Variants in DYNC2H1 observed in about 807,000 individuals in gnomAD.
The protein encoded by DYNC2H1 is cytoplasmic dynein 2 heavy chain 1.
In DYNC2H1, 410 loss-of-function variants were observed where a neutral mutation model predicts 570.0. The ratio of observed to expected loss-of-function variants is 0.72; its 90% CI spans 0.66 to 0.78. DYNC2H1 has a LOEUF of 0.78. DYNC2H1 is among the 30% of genes least tolerant of loss of function. DYNC2H1 has a pLI of 0.00. For missense variants in DYNC2H1, 4,865 were observed against 5,046.4 expected (o/e 0.96, Z 1.09); for synonymous variants, 1,688 against 1,677.6 (o/e 1.01, Z -0.15).
chr11:103,340,562 T>A (rs72977652), intron 82 of DYNC2H1, among the ~76,000 whole-genome samples: 7,700 of 152,316 alleles, frequency 0.051, 217 homozygotes, highest in African/African-American at 0.064. Flanking sequence ...ATTTGGTATT[T>A]AATGAAGTTG....
intron 87 of DYNC2H1, among the ~76,000 whole-genome samples, chr11:103,464,048 A>C (rs932586183): frequency 6.6e-6 from 1 of 151,932 alleles, no homozygotes; most frequent in African/African-American, 2.4e-5. Context: ...AGTAAATGGG[A>C]AAAAAAATCT....
chr11:103,241,173 C>A lies in DYNC2H1; in HGVS notation c.9820-2520C>A, dbSNP rs1164208656. Among the ~76,000 whole-genome samples the A allele has an allele frequency of 3.9e-5, 6 of 152,084 alleles. No individual in the cohort carries two copies. The highest frequency in any genetic ancestry group is 1.5e-5 in the Non-Finnish European group (1 of 68,002). On this transcript the variant is annotated intron_variant, in intron 63 of 88. Transcript: ENST00000375735. The surrounding 1 kb of genome is among the most constrained non-coding windows in gnomAD (Gnocchi z 5.1). ...GATGATGAAATTTTTATTTTTGCAT[C>A]TTTATTGCCTGTAAAGTTATTGAGG...
At chr11:103,288,575 G>A (rs1379732665) in intron 75 of DYNC2H1, among the ~76,000 whole-genome samples, 1 of 150,054 alleles carries the variant, frequency 6.7e-6, no homozygotes, top group Admixed American at 6.7e-5. Context: ...TACTGGGTGT[G>A]GTGGCTCATG....
At chr11:103,220,525 T>A in intron 56 of DYNC2H1, 98 bp from the exon 57 acceptor site, 1 of 1,197,746 alleles carries the variant, frequency 8.3e-7, no homozygotes, top group Non-Finnish European at 1.1e-6. Context: ...GTAACTATAG[T>A]CATTTTGCAT....
chr11:103,316,460 T>C, intron 79 of DYNC2H1, 85 bp from the exon 80 acceptor site: 1 of 874,650 alleles, frequency 1.1e-6, no homozygotes, highest in Non-Finnish European at 1.7e-6. Flanking sequence ...TCTATATTGA[T>C]CATTTAATTT....
At chr11:103,143,706 A>G (rs1860088720) in intron 18 of DYNC2H1, among the ~76,000 whole-genome samples, 1 of 152,190 alleles carries the variant, frequency 6.6e-6, no homozygotes, top group East Asian at 1.9e-4. Context: ...GCTACTGGTG[A>G]GAGCATACTA....
chr11:103,376,304 C>T (rs1230484524), intron 83 of DYNC2H1, among the ~76,000 whole-genome samples: 2 of 152,198 alleles, frequency 1.3e-5, no homozygotes, highest in Non-Finnish European at 2.9e-5. Flanking sequence ...GAGAATTTAA[C>T]CCATTAATAT....
chr11:103,171,613 G>A (rs900078486), intron 34 of DYNC2H1, among the ~76,000 whole-genome samples: 2 of 152,026 alleles, frequency 1.3e-5, no homozygotes, highest in Admixed American at 6.6e-5. Flanking sequence ...TATTTATATT[G>A]TTGTATTATA....
In DYNC2H1 at chr11:103,243,304, GATAA is replaced by G. The variant is rs59344208; in HGVS notation, c.9820-385_9820-382del. Among the ~76,000 whole-genome samples, 2,163 of 55,104 alleles carry G rather than the reference GATAA, an allele frequency of 0.039. 23 individuals are homozygous for G. The highest frequency in any genetic ancestry group is 0.063 in the African/African-American group (745 of 11,870). 36.2% of individuals were successfully genotyped at this position (55,104 alleles called of 152,430 possible). ...AGATAGATAGATAGATAGATAGATA[GATAA>G]ATAGAGAATAATTTGACTGTGTATT... On this transcript the variant is annotated intron_variant, in intron 63 of 88. Coordinates refer to ENST00000375735, the MANE Select transcript of DYNC2H1 (RefSeq NM_001377.3). This position sits in a 1 kb window ranked among gnomAD's most constrained non-coding sequence, Gnocchi z 4.8.
At chr11:103,213,888 C>T (rs1027706877) in intron 54 of DYNC2H1, among the ~76,000 whole-genome samples, 25 of 152,188 alleles carry the variant, frequency 1.6e-4, no homozygotes, top group Non-Finnish European at 2.9e-4. Context: ...AGGTCTTAAC[C>T]ATAAAATATT....
intron 58 of DYNC2H1, among the ~76,000 whole-genome samples, chr11:103,222,439 A>AT (rs1863624246): frequency 6.6e-6 from 1 of 151,578 alleles, no homozygotes; most frequent in South Asian, 2.1e-4. Flanking sequence ...GTATGCTTTT[A>AT]TTTTTTCTTG....
intron 1 of DYNC2H1, among the ~76,000 whole-genome samples, chr11:103,112,094 A>T (rs926257973): frequency 6.6e-6 from 1 of 152,148 alleles, no homozygotes; most frequent in African/African-American, 2.4e-5. Flanking sequence ...CCCTCTCTGG[A>T]TTAGTTATCT....
At chr11:103,474,983 ATTTTGTTGTGAGAC>A (rs1291257650) in intron 88 of DYNC2H1, among the ~76,000 whole-genome samples, 3 of 152,172 alleles carry the variant, frequency 2.0e-5, no homozygotes, top group African/African-American at 7.2e-5. Context: ...GCATGGGCAA[ATTTTGTTGTGAGAC>A]ATTCAGGCTT....
intron 2 of DYNC2H1, 102 bp from the exon 3 acceptor site, chr11:103,114,001 G>T: frequency 1.5e-6 from 2 of 1,339,018 alleles, no homozygotes; most frequent in Non-Finnish European, 2.1e-6. Flanking sequence ...GGAGGTAGTG[G>T]CAGGCTTTAA....
chr11:103,250,860 T>C (rs1864803819), intron 65 of DYNC2H1, among the ~76,000 whole-genome samples: 1 of 152,098 alleles, frequency 6.6e-6, no homozygotes, highest in South Asian at 2.1e-4. Flanking sequence ...ATATTTGTTA[T>C]TGATATGTAG....
At chr11:103,438,184 A>G (rs1454740007) in intron 85 of DYNC2H1, among the ~76,000 whole-genome samples, 1 of 151,944 alleles carries the variant, frequency 6.6e-6, no homozygotes, top group African/African-American at 2.4e-5. Context: ...GATACTTTTT[A>G]CATTGTTTTA....
rs11603193 is a variant in DYNC2H1, at chr11:103,142,161, C to T, written c.2575-1107C>T. On this transcript the variant is annotated intron_variant, in intron 17 of 88. Coordinates refer to ENST00000375735, the MANE Select transcript of DYNC2H1 (RefSeq NM_001377.3). ...GAACTCCCTGACTCCTTGCACTTCG[C>T]GAGTGAGGCAATGCCTCGCCCTGCT... Among the ~76,000 whole-genome samples, 547 of 152,360 alleles carry T rather than the reference C, an allele frequency of 3.6e-3. 2 individuals are homozygous for T. Among genetic ancestry groups the T allele is most frequent in the South Asian group, 7.7e-3 (37 of 4,834 alleles).
Position 103,170,014 on chromosome 11 carries a change from T to C in DYNC2H1, c.4969-94T>C. On this transcript the variant is annotated intron_variant, in intron 32 of 88. Coordinates refer to ENST00000375735, the MANE Select transcript of DYNC2H1 (RefSeq NM_001377.3). The surrounding 1 kb of genome is among the most constrained non-coding windows in gnomAD (Gnocchi z 4.8). The stretch of plus-strand genomic sequence containing the variant: ...TAAAAACTTTAACCTGTTTGTTGCA[T>C]TTTTATCTTTTTAACTACAATCTCA... The C allele has an allele frequency of 8.2e-7, 1 of 1,223,208 alleles. No individual in the cohort carries two copies. Among genetic ancestry groups the C allele is most frequent in the Non-Finnish European group, 1.1e-6 (1 of 919,764 alleles). The allele number at this position is 1,223,208 out of a possible 1,614,324, so 75.8% of individuals were successfully genotyped here.
At chr11:103,109,867 C>T in intron 1 of DYNC2H1, 98 bp downstream of exon 1, 1 of 1,295,316 alleles carries the variant, frequency 7.7e-7, no homozygotes, top group African/African-American at 1.5e-5. Context: ...CTTTACCAAC[C>T]AGATCCTTTT....
Sources: allele counts gnomAD v4.1 joint callset (sites outside exome capture counted in the v4.1 genomes callset), GRCh38; gene constraint gnomAD v4.1.1; non-coding constraint Gnocchi (gnomAD v3.1); transcripts MANE v1.5; gene names NCBI Gene and HGNC (gene_info 2026-07-23, HGNC 2026-07-21).